The following VPS37A variants were observed in gnomAD, a reference collection of about 807,000 sequenced individuals.
The protein encoded by VPS37A is vacuolar protein sorting-associated protein 37A.
In VPS37A, 30 loss-of-function variants were observed where a neutral mutation model predicts 49.8. The ratio of observed to expected loss-of-function variants is 0.60; its 90% CI spans 0.45 to 0.82. The LOEUF (loss-of-function observed/expected upper bound fraction) is 0.82. VPS37A is among the 40% of genes least tolerant of loss of function. The probability of loss-of-function intolerance (pLI) is 0.00; values close to 1 mark genes in which losing one functional copy is unlikely to be tolerated. For missense variants in VPS37A, 593 were observed against 464.4 expected (o/e 1.28, Z -2.55); for synonymous variants, 195 against 160.6 (o/e 1.21, Z -1.62).
At chr8:17,317,785 G>T in the VPS37A span, among the ~76,000 whole-genome samples, 1 of 152,088 alleles carries the variant, frequency 6.6e-6, no homozygotes, top group East Asian at 1.9e-4. Flanking sequence ...TCATACTTCC[G>T]CCATAAATTG....
chr8:17,332,200 C>G, the VPS37A span, among the ~76,000 whole-genome samples: 1 of 150,260 alleles, frequency 6.7e-6, no homozygotes, highest in African/African-American at 2.5e-5. Context: ...GGCAGAGAAC[C>G]TACACTGAGA....
chr8:17,276,912 A>T (rs79159224), intron 6 of VPS37A, among the ~76,000 whole-genome samples: 4,093 of 152,206 alleles, frequency 0.027, 197 homozygotes, highest in African/African-American at 0.094. Context: ...TTATAGCAGA[A>T]AAGTTTATAA....
At chr8:17,283,605 G>T (rs1815304755) in intron 9 of VPS37A, among the ~76,000 whole-genome samples, 1 of 152,160 alleles carries the variant, frequency 6.6e-6, no homozygotes, top group Non-Finnish European at 1.5e-5. Context: ...TTGTTGAAAA[G>T]ATTCCTTTCC....
At chr8:17,326,675 A>G in the VPS37A span, among the ~76,000 whole-genome samples, 2 of 152,228 alleles carry the variant, frequency 1.3e-5, no homozygotes, top group Non-Finnish European at 2.9e-5. Context: ...TGCTGTGAAC[A>G]GCCAACATGT....
intron 4 of VPS37A, chr8:17,272,050 A>G (rs1218728457): frequency 1.1e-5 from 5 of 456,784 alleles, no homozygotes; most frequent in Admixed American, 2.3e-5. Context: ...TAGCTAGATC[A>G]TCCAATTCAC....
At chr8:17,283,452 A>T (rs894134877) in intron 9 of VPS37A, among the ~76,000 whole-genome samples, 1 of 152,322 alleles carries the variant, frequency 6.6e-6, no homozygotes, top group Middle Eastern at 3.4e-3. Context: ...CACCACGTCA[A>T]GCAGGATAGC....
chr8:17,332,372 T>A, the VPS37A span, among the ~76,000 whole-genome samples: 1 of 152,184 alleles, frequency 6.6e-6, no homozygotes, highest in Non-Finnish European at 1.5e-5. Flanking sequence ...TAAAAATAGA[T>A]GCCCAAGAAT....
Position 17,268,336 on chromosome 8 carries a change from A to T in VPS37A, c.279A>T (p.Lys93Asn). The T allele has an allele frequency of 6.2e-7, 1 of 1,613,402 alleles. No homozygotes were observed. The highest frequency in any genetic ancestry group is 8.5e-7 in the Non-Finnish European group (1 of 1,179,664). Residue 93 changes from lysine to asparagine, a missense_variant, in exon 3 of 12, where the codon AAA becomes AAT. Transcript: ENST00000324849. ...CAATACGACATCACTTAATGGATAA[A>T]CAAGGAGTGTATGTTACCTCTCCAT... ...YPPIRHHLMD[K>N]QGVYVTSPLV... is the part of the protein sequence containing the mutation.
intron 11 of VPS37A, among the ~76,000 whole-genome samples, chr8:17,289,111 T>C (rs186727358): frequency 1.3e-5 from 2 of 152,346 alleles, no homozygotes; most frequent in East Asian, 3.9e-4. Flanking sequence ...ATTAGCCCTT[T>C]GTCAGATGGA....
At chr8:17,324,096 C>G in the VPS37A span, among the ~76,000 whole-genome samples, 2 of 152,104 alleles carry the variant, frequency 1.3e-5, no homozygotes, top group African/African-American at 4.8e-5. Context: ...TGTGACTTAC[C>G]CAGGGAAGGC....
At chr8:17,291,276 G>A (rs570990255) in intron 11 of VPS37A, among the ~76,000 whole-genome samples, 1 of 152,260 alleles carries the variant, frequency 6.6e-6, no homozygotes, top group African/African-American at 2.4e-5. Flanking sequence ...GCCTCCCAAA[G>A]TGCTGGGATT....
At chr8:17,288,135 C>A (rs1815788565) in intron 11 of VPS37A, among the ~76,000 whole-genome samples, 2 of 152,134 alleles carry the variant, frequency 1.3e-5, no homozygotes, top group African/African-American at 4.8e-5. Context: ...AAGAAGTAGA[C>A]ACAGAGTAGT....
chr8:17,278,545 C>T (rs1234218248), intron 6 of VPS37A, among the ~76,000 whole-genome samples: 1 of 152,180 alleles, frequency 6.6e-6, no homozygotes, highest in South Asian at 2.1e-4. Context: ...CCTTCTGTAT[C>T]GTTTTTGGCA....
chr8:17,258,036 G>T (rs1343665305), intron 1 of VPS37A, among the ~76,000 whole-genome samples: 1 of 151,972 alleles, frequency 6.6e-6, no homozygotes, highest in African/African-American at 2.4e-5. Context: ...TTTTTTGTTT[G>T]TCTGTTTTTT....
Position 17,277,474 on chromosome 8 carries a change from C to T in VPS37A, c.713+1007C>T, listed in dbSNP as rs115621344. Among the ~76,000 whole-genome samples the T allele has an allele frequency of 3.1e-3, 473 of 152,080 alleles. 3 individuals are homozygous for T. Among genetic ancestry groups the T allele is most frequent in the African/African-American group, 0.01 (418 of 41,512 alleles). On this transcript the variant is annotated intron_variant, in intron 6 of 11. Coordinates refer to ENST00000324849, the MANE Select transcript of VPS37A (RefSeq NM_152415.3). ...CCACGTATCCATCATGTGGCAACAA[C>T]AGCTATAAACCCTTTTGCTCACCAT...
At chr8:17,315,109 A>C in the VPS37A span, among the ~76,000 whole-genome samples, 10 of 152,228 alleles carry the variant, frequency 6.6e-5, no homozygotes, top group Admixed American at 5.9e-4. Flanking sequence ...ACAATATTTA[A>C]ACATATGAAG....
chr8:17,260,847 A>G (rs941274563), intron 1 of VPS37A, among the ~76,000 whole-genome samples: 4 of 152,120 alleles, frequency 2.6e-5, no homozygotes, highest in Admixed American at 6.5e-5. Flanking sequence ...TGCCAGACCA[A>G]TTAGAGCTCC....
At chr8:17,308,706 C>T in the VPS37A span, among the ~76,000 whole-genome samples, 3 of 152,156 alleles carry the variant, frequency 2.0e-5, no homozygotes, top group South Asian at 6.2e-4. Flanking sequence ...ACTCCCAAAA[C>T]AACAGCTTTG....
chr8:17,286,449 A>G (rs1815597526), intron 11 of VPS37A, 22 bp downstream of exon 11: 6 of 1,604,372 alleles, frequency 3.7e-6, no homozygotes, highest in Non-Finnish European at 4.3e-6. Flanking sequence ...TTCAAGTTTG[A>G]GTCTCAAGGT....
Sources: gnomAD v4.1 joint callset for allele counts (sites outside exome capture counted in the v4.1 genomes callset) on GRCh38, gnomAD v4.1.1 for gene constraint, MANE v1.5 for transcripts, NCBI Gene and HGNC (gene_info 2026-07-23, HGNC 2026-07-21) for gene names.